Variants in SYNE1 observed in about 807,000 individuals in gnomAD.
SYNE1 encodes the protein nesprin-1.
SYNE1 carries 616 observed loss-of-function variants against 1,111.0 expected under a neutral mutation model. The ratio of observed to expected loss-of-function variants is 0.55; its 90% CI spans 0.52 to 0.59. The LOEUF is 0.59. SYNE1 is among the 20% of genes least tolerant of loss of function. The pLI is 0.00. For synonymous variants in SYNE1, 3,855 were observed against 3,825.8 expected (o/e 1.01, Z -0.28); for missense variants, 10,006 against 10,417.0 (o/e 0.96, Z 1.72).
chr6:152,540,951 A>C (rs2099266511), intron 3 of SYNE1, among the ~76,000 whole-genome samples: 1 of 152,230 alleles, frequency 6.6e-6, no homozygotes, highest in South Asian at 2.1e-4. Flanking sequence ...AATCCAGCTG[A>C]TGCCTTAGTT....
At chr6:152,196,005 C>T (rs963770592) in intron 127 of SYNE1, among the ~76,000 whole-genome samples, 2 of 152,198 alleles carry the variant, frequency 1.3e-5, no homozygotes, top group African/African-American at 4.8e-5. Flanking sequence ...AAGTCCTTTC[C>T]ACTCTTCCCT....
At chr6:152,270,167 G>C (rs1461749309) in intron 98 of SYNE1, among the ~76,000 whole-genome samples, 1 of 152,158 alleles carries the variant, frequency 6.6e-6, no homozygotes, top group Non-Finnish European at 1.5e-5. Flanking sequence ...AGAGTCTGCT[G>C]TTTATATAAT....
chr6:152,268,330 A>G (rs2092900777), intron 99 of SYNE1, among the ~76,000 whole-genome samples, 165 bp from the exon 100 acceptor site: 1 of 152,024 alleles, frequency 6.6e-6, no homozygotes. Flanking sequence ...TGTGTCTCCA[A>G]AGTACTCTGT....
chr6:152,452,089 A>G (rs188475497), intron 25 of SYNE1, among the ~76,000 whole-genome samples: 57 of 152,368 alleles, frequency 3.7e-4, no homozygotes, highest in Admixed American at 8.5e-4. Context: ...ACATTGAGAA[A>G]CAAGCAAGCA....
intron 11 of SYNE1, among the ~76,000 whole-genome samples, chr6:152,490,297 C>T (rs768435508): frequency 4.0e-5 from 6 of 150,034 alleles, no homozygotes; most frequent in Non-Finnish European, 8.9e-5. Context: ...GGTCCTGGAA[C>T]CAATCACTTG....
At chr6:152,311,844 C>T (rs1446099032) in intron 87 of SYNE1, among the ~76,000 whole-genome samples, 1 of 151,602 alleles carries the variant, frequency 6.6e-6, no homozygotes, top group Admixed American at 6.6e-5. Flanking sequence ...GGCGCAATCT[C>T]AGCTCTCTGC....
At chr6:152,134,990 A>T in intron 142 of SYNE1, 114 bp downstream of exon 142, 1 of 1,448,322 alleles carries the variant, frequency 6.9e-7, no homozygotes, top group Non-Finnish European at 9.6e-7. Flanking sequence ...TAGAGACTAT[A>T]ATGCAAAAAG....
chr6:152,451,244 T>C, intron 25 of SYNE1, 39 bp from the exon 26 acceptor site: 2 of 1,603,254 alleles, frequency 1.2e-6, no homozygotes, highest in Non-Finnish European at 1.7e-6. Flanking sequence ...TAGGATGAAG[T>C]TCCTGATTAT....
In SYNE1 at chr6:152,398,686, G is replaced by C. The variant is rs752877092; in HGVS notation, c.7283C>G (p.Ala2428Gly). 13 of 1,613,810 alleles carry C rather than the reference G, an allele frequency of 8.1e-6. No individual in the cohort carries two copies. Among genetic ancestry groups the C allele is most frequent in the Admixed American group, 1.7e-5 (1 of 59,992 alleles). ...FQEWFLGAKA[A>G]AKESSDRTGD... ...GGTGCGATCTGATGATTCTTTTGCT[G>C]CTGCCTTTGCTCCCAAAAACCATTC... Residue 2428 changes from alanine to glycine, a missense_variant, in exon 49 of 146, where the codon GCA (alanine) becomes GGA (glycine). Coordinates refer to ENST00000367255, the MANE Select transcript of SYNE1 (RefSeq NM_182961.4).
At chr6:152,587,904 T>G (rs1218261399) in intron 3 of SYNE1, among the ~76,000 whole-genome samples, 1 of 152,206 alleles carries the variant, frequency 6.6e-6, no homozygotes, top group Admixed American at 6.5e-5. Flanking sequence ...CTATAAATTA[T>G]GATTTTGGGA....
In SYNE1 at chr6:152,224,562, A is replaced by T. The variant is rs199923983; in HGVS notation, c.21454T>A (p.Ser7152Thr). ...INSYLMEARY[S>T]LSRFRLLTGS... ...GTCAGCAGACGGAATCGGGAAAGAG[A>T]GTATCTGGCCTCCATGAGGTAACTG... The change falls in exon 117 of 146, where the codon TCT becomes ACT. Residue 7152 changes from serine to threonine, a missense_variant. By Grantham distance (58) the Ser-to-Thr change is moderately conservative (BLOSUM62 1). This residue lies in a region of SYNE1 where 2,182 missense variants were observed against 2,287.8 expected (regional missense o/e 0.95). Transcript: ENST00000367255. 1.5e-5 allele frequency: 25 copies of T among 1,614,004 alleles called. No homozygotes were observed. The highest frequency in any genetic ancestry group is 4.5e-5 in the East Asian group (2 of 44,844).
chr6:152,168,257 C>T (rs918318996), intron 130 of SYNE1: 5 of 668,684 alleles, frequency 7.5e-6, no homozygotes, highest in Admixed American at 2.3e-5. Flanking sequence ...CTATATCCTG[C>T]GTGGGGATGA....
At chr6:152,292,203 T>C (rs1011100938) in intron 95 of SYNE1, among the ~76,000 whole-genome samples, 1 of 152,136 alleles carries the variant, frequency 6.6e-6, no homozygotes, top group African/African-American at 2.4e-5. Flanking sequence ...TTTGGGAGAC[T>C]AGCAGTCTAG....
intron 54 of SYNE1, among the ~76,000 whole-genome samples, chr6:152,386,368 G>T (rs555542355): frequency 7.3e-4 from 111 of 152,186 alleles, no homozygotes; most frequent in African/African-American, 2.6e-3. Flanking sequence ...ACGTCTTTTT[G>T]ACTTGAGTCA....
Position 152,404,086 on chromosome 6 carries a change from C to T in SYNE1, c.6825+127G>A, listed in dbSNP as rs114497126. 5.4e-3 allele frequency: 2,823 copies of T among 526,758 alleles called. 83 individuals carry two copies. The African/African-American group carries it at 0.054, about 10-fold the overall frequency. 32.6% of individuals were successfully genotyped at this position (526,758 alleles called of 1,614,324 possible). A position where few individuals can be genotyped will look rare whatever the true frequency, so the allele number is the denominator to read the frequency against. On this transcript the variant is annotated intron_variant, in intron 46 of 145. Transcript: ENST00000367255. ...TATATGTATCAGATATAGATATATA[C>T]GAGATATAGATATATGAGATATATA...
At chr6:152,275,747 G>A (rs1459948153) in intron 98 of SYNE1, among the ~76,000 whole-genome samples, 1 of 151,078 alleles carries the variant, frequency 6.6e-6, no homozygotes, top group Non-Finnish European at 1.5e-5. Flanking sequence ...CTAGGCAGGT[G>A]GTGCGCGCCT....
Position 152,364,913 on chromosome 6 carries a change from T to C in SYNE1, c.10079A>G (p.Gln3360Arg), listed in dbSNP as rs2097038747. ...NTSPEGIPTI[Q>R]QQLQSVKDMW... Reference sequence around the variant, plus strand: ...ATCCTTCACACTCTGCAGCTGCTGCTGAATAGTGGGAATGCCTTCTGGAGA... The same window carrying C: ...ATCCTTCACACTCTGCAGCTGCTGCCGAATAGTGGGAATGCCTTCTGGAGA... The change falls in exon 63 of 146, where the codon CAG (glutamine) becomes CGG (arginine). Residue 3360 changes from glutamine (Q) to arginine (R), a missense_variant. Transcript: ENST00000367255. 1 of 1,614,236 alleles carries C rather than the reference T, an allele frequency of 6.2e-7. No homozygotes were observed. Among genetic ancestry groups the C allele is most frequent in the Middle Eastern group, 1.6e-4 (1 of 6,062 alleles).
intron 70 of SYNE1, 46 bp from the exon 71 acceptor site, chr6:152,350,816 C>T (rs1270637607): frequency 6.2e-7 from 1 of 1,609,170 alleles, no homozygotes; most frequent in African/African-American, 1.3e-5. Flanking sequence ...TCTCCGTGGA[C>T]AAGATGAATA....
intron 106 of SYNE1, 87 bp downstream of exon 106, chr6:152,244,450 A>G (rs1297006387): frequency 1.2e-5 from 20 of 1,604,248 alleles, no homozygotes; most frequent in Non-Finnish European, 1.7e-5. Flanking sequence ...AATTTTATAA[A>G]GAAAGCCAAG....
Sources: allele counts gnomAD v4.1 joint callset (sites outside exome capture counted in the v4.1 genomes callset), GRCh38; gene constraint gnomAD v4.1.1; regional missense constraint gnomAD v4.1.1; transcripts MANE v1.5; gene names NCBI Gene and HGNC (gene_info 2026-07-23, HGNC 2026-07-21).